MRPS18A: variants seen among roughly 807,000 people sequenced by gnomAD.
The protein encoded by MRPS18A is mitochondrial ribosomal protein S18A.
MRPS18A carries 20 observed loss-of-function variants against 22.7 expected under a neutral mutation model. The observed-to-expected ratio is 0.88, with a 90% CI of 0.62 to 1.28. The LOEUF is 1.28. MRPS18A is among the 50% of genes most tolerant of loss of function. MRPS18A has a pLI of 0.00. For missense variants in MRPS18A, 294 were observed against 262.6 expected (o/e 1.12, Z -0.83); for synonymous variants, 106 against 99.1 (o/e 1.07, Z -0.41).
At chr6:43,675,826 T>C (rs1774023151) in intron 3 of MRPS18A, among the ~76,000 whole-genome samples, 1 of 152,000 alleles carries the variant, frequency 6.6e-6, no homozygotes, top group African/African-American at 2.4e-5. Flanking sequence ...TACCCCATTA[T>C]CAACCCCAAG....
intron 1 of MRPS18A, among the ~76,000 whole-genome samples, chr6:43,683,318 A>C (rs1282346047): frequency 6.6e-6 from 1 of 152,206 alleles, no homozygotes; most frequent in Non-Finnish European, 1.5e-5. Context: ...CTGAGAACTC[A>C]CATTGAACTG....
At chr6:43,672,323 C>A in intron 5 of MRPS18A, 1 of 463,922 alleles carries the variant, frequency 2.2e-6, no homozygotes. Context: ...ACTCAGCTAC[C>A]CCAACCTTCA....
In MRPS18A at chr6:43,678,622, C is replaced by A. The variant is rs1397693164; in HGVS notation, c.148G>T (p.Glu50Ter). ...ETQEGKTTII[E>*]GRITATPKES... ...TTGGGAGTCGCTGTGATACGGCCTT[C>A]AATCTAGGAGACAGAGAAAGTGAGC... The change falls in exon 3 of 6, where the codon GAA becomes TAA. Residue 50 changes from glutamate to a stop codon, truncating the protein, a stop_gained. Coordinates refer to ENST00000372133, the MANE Select transcript of MRPS18A (RefSeq NM_018135.4). LOFTEE classifies it high-confidence loss of function. The A allele has an allele frequency of 6.2e-7, 1 of 1,611,526 alleles. No homozygotes were observed. Among genetic ancestry groups the A allele is most frequent in the Non-Finnish European group, 8.5e-7 (1 of 1,177,772 alleles).
At chr6:43,676,086 A>G (rs1261320542) in intron 3 of MRPS18A, among the ~76,000 whole-genome samples, 1 of 152,078 alleles carries the variant, frequency 6.6e-6, no homozygotes, top group African/African-American at 2.4e-5. Context: ...CCTGGGCTCA[A>G]GCAATCTGCC....
intron 1 of MRPS18A, among the ~76,000 whole-genome samples, chr6:43,682,837 T>A (rs1774491303): frequency 1.3e-5 from 2 of 152,116 alleles, no homozygotes; most frequent in African/African-American, 4.8e-5. Flanking sequence ...GGAGGGCACA[T>A]CCCCAGTCCA....
chr6:43,676,521 C>T lies in MRPS18A; in HGVS notation c.253-904G>A, dbSNP rs143127761. Among the ~76,000 whole-genome samples, 853 of 152,270 alleles carry T rather than the reference C, an allele frequency of 5.6e-3. 9 individuals carry two copies. The highest frequency in any genetic ancestry group is 0.02 in the African/African-American group (812 of 41,534). ...CCTCCTTCGGACCATCACATGCCCA[C>T]CAGGCTGCCTGGGACAGGTCAAAGG... On this transcript the variant is annotated intron_variant, in intron 3 of 5. Transcript: ENST00000372133.
intron 5 of MRPS18A, 38 bp downstream of exon 5, chr6:43,675,164 G>A (rs766379790): frequency 3.8e-5 from 56 of 1,483,804 alleles, no homozygotes; most frequent in African/African-American, 5.7e-5. Context: ...TTTCCTGAGC[G>A]CAGAACGCTC....
intron 3 of MRPS18A, among the ~76,000 whole-genome samples, chr6:43,677,817 G>A (rs1334163302): frequency 6.6e-6 from 1 of 152,140 alleles, no homozygotes; most frequent in African/African-American, 2.4e-5. Context: ...AGTACTCAGT[G>A]CCCGACAGAG....
chr6:43,675,640 G>C lies in MRPS18A; in HGVS notation c.253-23C>G, dbSNP rs369860856. 2.1e-5 allele frequency: 34 copies of C among 1,588,466 alleles called. No individual in the cohort carries two copies. In the African/African-American group the frequency reaches 4.3e-4, roughly 20 times the overall value. On this transcript the variant is annotated intron_variant, in intron 3 of 5. Coordinates refer to ENST00000372133, the MANE Select transcript of MRPS18A (RefSeq NM_018135.4). Reference sequence around the variant, plus strand: ...ATCCTAGTGGAAACCGAAAATAGGGGATGAGGGTCAGCTGGGCTTGCTTTT... The same window carrying C: ...ATCCTAGTGGAAACCGAAAATAGGGCATGAGGGTCAGCTGGGCTTGCTTTT...
rs1453927882 is a variant in MRPS18A, at chr6:43,681,135, G to A, written c.113-15C>T. The A allele has an allele frequency of 3.1e-6, 5 of 1,611,990 alleles. No homozygotes were observed. The African/African-American group carries it at 4.0e-5, about 13-fold the overall frequency. ...GGTCTCCACCACTACGGAGATAAAG[G>A]GGGAAACATTAGGTCAGCCATTTAA... On this transcript the variant is annotated splice_polypyrimidine_tract_variant and intron_variant, in intron 1 of 5. Coordinates refer to ENST00000372133, the MANE Select transcript of MRPS18A (RefSeq NM_018135.4).
intron 1 of MRPS18A, among the ~76,000 whole-genome samples, chr6:43,684,581 C>T (rs1413480967): frequency 3.3e-5 from 5 of 152,170 alleles, no homozygotes; most frequent in African/African-American, 7.2e-5. Flanking sequence ...CAGAATGAGT[C>T]GTCTTACTGC....
chr6:43,672,459 G>A (rs891404836), intron 5 of MRPS18A: 83 of 469,918 alleles, frequency 1.8e-4, no homozygotes, highest in African/African-American at 1.1e-3. Context: ...AAATAGGAGG[G>A]GGGTGGGGAA....
At chr6:43,684,760 G>A (rs1417749347) in intron 1 of MRPS18A, among the ~76,000 whole-genome samples, 1 of 152,210 alleles carries the variant, frequency 6.6e-6, no homozygotes, top group Non-Finnish European at 1.5e-5. Context: ...TTAACTGACT[G>A]TGAAAGAGAT....
intron 1 of MRPS18A, among the ~76,000 whole-genome samples, chr6:43,684,519 C>T (rs1774584635): frequency 6.6e-6 from 1 of 152,214 alleles, no homozygotes; most frequent in Non-Finnish European, 1.5e-5. Context: ...CTCATCACCT[C>T]CCCCTTTCTT....
Position 43,675,568 on chromosome 6 carries a change from G to A in MRPS18A, c.302C>T (p.Pro101Leu). The stretch of plus-strand genomic sequence containing the variant: ...CTGGCATAGGCCTGTGATCTTTCGG[G>A]GCAGCATGCCTCCATGAGGCCGGAT... Reference protein sequence around the residue: ...QFIRPHGGMLPRKITGLCQEE... With the variant: ...QFIRPHGGMLLRKITGLCQEE... The change falls in exon 4 of 6, where the codon CCC becomes CTC. Residue 101 changes from proline (P) to leucine (L), a missense_variant. Transcript: ENST00000372133. The A allele has an allele frequency of 2.5e-6, 4 of 1,613,976 alleles. No homozygotes were observed. The highest frequency in any genetic ancestry group is 3.4e-6 in the Non-Finnish European group (4 of 1,179,988).
intron 5 of MRPS18A, 130 bp from the exon 6 acceptor site, chr6:43,672,036 T>G: frequency 8.9e-7 from 1 of 1,123,544 alleles, no homozygotes; most frequent in Non-Finnish European, 1.2e-6. Flanking sequence ...TTCCCTTTCC[T>G]GAAGTGCAGG....
At chr6:43,678,375 GAAC>G (rs1370370047) in intron 3 of MRPS18A, 140 bp downstream of exon 3, 2 of 643,784 alleles carry the variant, frequency 3.1e-6, no homozygotes, top group African/African-American at 1.8e-5. Flanking sequence ...CCAGGGTTGA[GAAC>G]AACTGGACAA....
chr6:43,683,332 C>T (rs1352494939), intron 1 of MRPS18A, among the ~76,000 whole-genome samples: 1 of 152,208 alleles, frequency 6.6e-6, no homozygotes, highest in Non-Finnish European at 1.5e-5. Flanking sequence ...TGAACTGACA[C>T]TGATCAGGGT....
chr6:43,676,296 A>G lies in MRPS18A; in HGVS notation c.253-679T>C, dbSNP rs1774050382. Among the ~76,000 whole-genome samples, 2 of 152,226 alleles carry G rather than the reference A, an allele frequency of 1.3e-5. 1 individual carries two copies. The highest frequency in any genetic ancestry group is 4.1e-4 in the South Asian group (2 of 4,834). On this transcript the variant is annotated intron_variant, in intron 3 of 5. Coordinates refer to ENST00000372133, the MANE Select transcript of MRPS18A (RefSeq NM_018135.4). Reference sequence around the variant, plus strand: ...GAGACATGCCATATGTTTCCACACAAGAGGAAAAACCTGTAACATTTTAGA... The same window carrying G: ...GAGACATGCCATATGTTTCCACACAGGAGGAAAAACCTGTAACATTTTAGA...
Sources: allele counts gnomAD v4.1 joint callset (sites outside exome capture counted in the v4.1 genomes callset), GRCh38; gene constraint gnomAD v4.1.1; transcripts MANE v1.5; gene names NCBI Gene and HGNC (gene_info 2026-07-23, HGNC 2026-07-21).